The following PDE6A variants were observed in gnomAD, a reference collection of about 807,000 sequenced individuals.
The protein encoded by PDE6A is rod cGMP-specific 3',5'-cyclic phosphodiesterase subunit alpha.
PDE6A carries 84 observed loss-of-function variants against 106.3 expected under a neutral mutation model. The ratio of observed to expected loss-of-function variants is 0.79; its 90% CI spans 0.66 to 0.95. PDE6A has a LOEUF of 0.95. Ranked by LOEUF, PDE6A falls within the 40% of genes least tolerant of loss-of-function variation. The probability of loss-of-function intolerance (pLI) is 0.00; values close to 1 mark genes in which losing one functional copy is unlikely to be tolerated. For missense variants in PDE6A, 1,052 were observed against 1,084.9 expected, an observed-to-expected ratio of 0.97 and a Z score of 0.43; for synonymous variants, 394 against 386.6, an observed-to-expected ratio of 1.02 and a Z score of -0.23.
intron 8 of PDE6A, among the ~76,000 whole-genome samples, chr5:149,900,397 A>ATATATATATC (rs1240396619): frequency 2.2e-5 from 3 of 135,030 alleles, no homozygotes; most frequent in East Asian, 2.2e-4. Flanking sequence ...ATATATATAT[A>ATATATATATC]TCCGTTGGTT....
intron 17 of PDE6A, among the ~76,000 whole-genome samples, chr5:149,870,871 A>AAG (rs1554085581): frequency 1.4e-5 from 2 of 145,182 alleles, no homozygotes; most frequent in African/African-American, 5.6e-5. Context: ...GAGAAAGAGA[A>AAG]AGAAAGAGAA....
chr5:149,923,549 AT>A (rs1759044727), intron 4 of PDE6A, among the ~76,000 whole-genome samples: 1 of 136,182 alleles, frequency 7.3e-6, no homozygotes, highest in African/African-American at 3.3e-5. Context: ...ATAACATAAC[AT>A]AACATAACAT....
intron 17 of PDE6A, among the ~76,000 whole-genome samples, chr5:149,879,596 C>A (rs1448279833): frequency 3.3e-5 from 4 of 120,618 alleles, no homozygotes; most frequent in Non-Finnish European, 6.5e-5. Context: ...CCACAACAGT[C>A]CCCAGAGTGT....
At chr5:149,941,593 A>G (rs897914138) in intron 1 of PDE6A, among the ~76,000 whole-genome samples, 2 of 152,254 alleles carry the variant, frequency 1.3e-5, no homozygotes, top group Admixed American at 1.3e-4. Context: ...TGTAAAGCAC[A>G]AAGAAAAACA....
At chr5:149,904,109 T>C (rs780619414) in intron 7 of PDE6A, among the ~76,000 whole-genome samples, 1 of 152,128 alleles carries the variant, frequency 6.6e-6, no homozygotes, top group Non-Finnish European at 1.5e-5. Context: ...TAACCAGCAG[T>C]GGTGGCGTGC....
chr5:149,875,485 C>CTTTTTTTTTTT (rs1438091330), intron 17 of PDE6A, among the ~76,000 whole-genome samples: 1 of 148,204 alleles, frequency 6.7e-6, no homozygotes, highest in African/African-American at 2.5e-5. Flanking sequence ...TACATACTGA[C>CTTTTTTTTTTT]TATTTTTTTT....
chr5:149,884,672 C>T, intron 15 of PDE6A, 93 bp from the exon 16 acceptor site: 2 of 1,418,550 alleles, frequency 1.4e-6, no homozygotes. Flanking sequence ...ATGGCAGAGG[C>T]AGCCCAGGCC....
chr5:149,895,266 G>A lies in PDE6A; in HGVS notation c.1645C>T (p.Leu549=), dbSNP rs1209983600. The A allele has an allele frequency of 1.2e-6, 2 of 1,613,716 alleles. No individual in the cohort carries two copies. The highest frequency in any genetic ancestry group is 2.2e-5 in the East Asian group (1 of 44,872). The change falls in exon 13 of 22, where the codon CTG becomes TTG. Residue 549 remains leucine, a synonymous_variant. Coordinates refer to ENST00000255266, the MANE Select transcript of PDE6A (RefSeq NM_000440.3). The part of the protein sequence containing the change: ...QEALVRFMYS[L]SKGYRKITYH... Reference sequence around the variant, plus strand: ...GTGATCTTGCGGTAGCCCTTACTCAGGGAGTACATGAACCGCACCAGGGCC... The same window carrying A: ...GTGATCTTGCGGTAGCCCTTACTCAAGGAGTACATGAACCGCACCAGGGCC...
chr5:149,862,861 CTG>C (rs1760192489), intron 21 of PDE6A, among the ~76,000 whole-genome samples: 1 of 152,242 alleles, frequency 6.6e-6, no homozygotes, highest in African/African-American at 2.4e-5. Context: ...AAATCAGAGT[CTG>C]TGCTATGTTG....
chr5:149,912,628 T>C lies in PDE6A; in HGVS notation c.998+2315A>G, dbSNP rs148335267. Among the ~76,000 whole-genome samples, 1,195 of 152,294 alleles carry C rather than the reference T, an allele frequency of 7.8e-3. 16 individuals are homozygous for C. The highest frequency in any genetic ancestry group is 0.027 in the African/African-American group (1,121 of 41,546). ...AAGGTTCAAAATGGCAGCTGCTTTATCAGCCTTGGCTCCTGCCTGACTACA... is the reference window on the plus strand; with the variant it reads ...AAGGTTCAAAATGGCAGCTGCTTTACCAGCCTTGGCTCCTGCCTGACTACA... On this transcript the variant is annotated intron_variant, in intron 6 of 21. Coordinates refer to ENST00000255266, the MANE Select transcript of PDE6A (RefSeq NM_000440.3).
intron 13 of PDE6A, among the ~76,000 whole-genome samples, chr5:149,892,726 C>T (rs1752590404): frequency 6.6e-6 from 1 of 152,120 alleles, no homozygotes; most frequent in Non-Finnish European, 1.5e-5. Flanking sequence ...AACATTCCAC[C>T]TACCTAAGCC....
rs1760050824 is a variant in PDE6A, at chr5:149,859,390, TG to T, written c.*1504del. 6.6e-6 allele frequency: 1 copy of T among 152,228 alleles called. No individual in the cohort carries two copies. The highest frequency in any genetic ancestry group is 1.5e-5 in the Non-Finnish European group (1 of 68,030). The allele number at this position is 152,228 out of a possible 1,614,324, so 9.4% of individuals were successfully genotyped here. A position where few individuals can be genotyped will look rare whatever the true frequency, so the allele number is the denominator to read the frequency against. On this transcript the variant is annotated 3_prime_UTR_variant, in exon 22 of 22. Coordinates refer to ENST00000255266, the MANE Select transcript of PDE6A (RefSeq NM_000440.3). ...TTGATTAAGGGCTGGCATCACAAGT[TG>T]GGTGTCCCAGAAAGCAGACTCTAAA...
intron 4 of PDE6A, among the ~76,000 whole-genome samples, chr5:149,928,333 G>C (rs182994980): frequency 6.8e-6 from 1 of 147,154 alleles, no homozygotes; most frequent in East Asian, 2.0e-4. Context: ...CACCTCCCAG[G>C]TTCAGGCAAT....
intron 8 of PDE6A, among the ~76,000 whole-genome samples, chr5:149,901,877 C>T (rs964567995): frequency 1.2e-4 from 18 of 152,262 alleles, no homozygotes; most frequent in African/African-American, 4.1e-4. Context: ...ATTTTTATTT[C>T]CTTCTGAATT....
rs909565362 is a variant in PDE6A, at chr5:149,883,468, T to A, written c.2096A>T (p.Gln699Leu). 8 of 1,613,794 alleles carry A rather than the reference T, an allele frequency of 5.0e-6. No homozygotes were observed. Among genetic ancestry groups the A allele is most frequent in the Middle Eastern group, 1.7e-4 (1 of 6,060 alleles). The change falls in exon 17 of 22, where the codon CAG (glutamine) becomes CTG (leucine). Residue 699 changes from glutamine to leucine, a missense_variant. By Grantham distance (113) the Gln-to-Leu change is moderately radical (BLOSUM62 -2). Coordinates refer to ENST00000255266, the MANE Select transcript of PDE6A (RefSeq NM_000440.3). ...CCGTGTCTGCTCCAGCATCATGTAC[T>A]GTGTCCACTCCTGTTCACTCTCATA... ...KTYESEQEWT[Q>L]YMMLEQTRKE...
intron 4 of PDE6A, among the ~76,000 whole-genome samples, chr5:149,923,967 A>G (rs961781661): frequency 6.6e-6 from 1 of 152,208 alleles, no homozygotes; most frequent in African/African-American, 2.4e-5. Flanking sequence ...GCCACATGAA[A>G]TGCAGAGTCC....
chr5:149,902,429 G>A (rs1753012512), intron 8 of PDE6A, among the ~76,000 whole-genome samples: 1 of 151,344 alleles, frequency 6.6e-6, no homozygotes, highest in Non-Finnish European at 1.5e-5. Flanking sequence ...GACTATGCTT[G>A]TCTGGCCCAC....
chr5:149,915,346 C>T (rs934319850), intron 5 of PDE6A, among the ~76,000 whole-genome samples: 1 of 152,194 alleles, frequency 6.6e-6, no homozygotes. Flanking sequence ...AGAAGTTCAA[C>T]AGGAGTATGT....
At chr5:149,932,045 G>A (rs776377232) in intron 3 of PDE6A, 140 of 1,514,210 alleles carry the variant, frequency 9.2e-5, no homozygotes, top group Non-Finnish European at 1.3e-4. Context: ...TAAGCAGCCA[G>A]AAAGCTACAG....
Sources: allele counts gnomAD v4.1 joint callset (sites outside exome capture counted in the v4.1 genomes callset), GRCh38; gene constraint gnomAD v4.1.1; transcripts MANE v1.5; gene names NCBI Gene and HGNC (gene_info 2026-07-23, HGNC 2026-07-21).